Variants in COL5A1 observed in about 807,000 individuals in gnomAD.
The protein encoded by COL5A1 is collagen type V alpha 1 chain, also known as collagen alpha-1(V) chain.
A neutral mutation model predicts 263.7 loss-of-function variants in COL5A1; 16 were observed. The observed-to-expected ratio is 0.06, with a 90% CI of 0.04 to 0.09. COL5A1 has a LOEUF of 0.09. Ranked by LOEUF, COL5A1 falls within the 10% of genes least tolerant of loss-of-function variation. COL5A1 has a pLI of 1.00. For missense variants in COL5A1, 2,036 were observed against 2,540.5 expected (o/e 0.80, Z 4.27); for synonymous variants, 1,012 against 1,004.5 (o/e 1.01, Z -0.14).
At chr9:134,721,601 G>A (rs1371147504) in intron 4 of COL5A1, among the ~76,000 whole-genome samples, 1 of 152,170 alleles carries the variant, frequency 6.6e-6, no homozygotes, top group African/African-American at 2.4e-5. Flanking sequence ...AGTCCTGCGG[G>A]GTGGGTTACA....
chr9:134,719,279 C>T (rs1404531146), intron 4 of COL5A1, among the ~76,000 whole-genome samples: 2 of 152,232 alleles, frequency 1.3e-5, no homozygotes, highest in Admixed American at 1.3e-4. Context: ...CATACACATG[C>T]ATGTATACTG....
At position 134,741,238 on chromosome 9, in the gene COL5A1, T is replaced by G. The variant is rs1209952832; in HGVS notation, c.1494+2430T>G. ...ACAACATTGTCTCTGCCCTCGGAGG[T>G]TGAGCATCTGGGGCCTCCAAAAGAC... On this transcript the variant is annotated intron_variant, in intron 11 of 65. Transcript: ENST00000371817. The surrounding 1 kb of genome is among the most constrained non-coding windows in gnomAD (Gnocchi z 4.5). Among the ~76,000 whole-genome samples, 2 of 152,072 alleles carry G rather than the reference T, an allele frequency of 1.3e-5. No homozygotes were observed. The highest frequency in any genetic ancestry group is 1.5e-5 in the Non-Finnish European group (1 of 68,034).
chr9:134,765,725 C>G lies in COL5A1; in HGVS notation c.2079C>G (p.Pro693=). ...LLGPKGPPGP[P]GPPGVTGMDG... ...GGCCGAAGGGGCCCCCAGGTCCTCC[C>G]GGACCTCCCGTAAGTCCCATTACCG... The change falls in exon 21 of 66, where the codon CCC becomes CCG. Residue 693 remains proline (P), a synonymous_variant. Coordinates refer to ENST00000371817, the MANE Select transcript of COL5A1 (RefSeq NM_000093.5). The surrounding 1 kb of genome is among the most constrained non-coding windows in gnomAD (Gnocchi z 5.1). 1 of 1,612,842 alleles carries G rather than the reference C, an allele frequency of 6.2e-7. No homozygotes were observed. Among genetic ancestry groups the G allele is most frequent in the South Asian group, 1.1e-5 (1 of 90,968 alleles).
At position 134,690,964 on chromosome 9, in the gene COL5A1, A is replaced by G. The variant is rs764431997; in HGVS notation, c.162A>G (p.Gly54=). The G allele has an allele frequency of 6.2e-7, 1 of 1,613,886 alleles. No homozygotes were observed. The highest frequency in any genetic ancestry group is 8.5e-7 in the Non-Finnish European group (1 of 1,180,044). The change falls in exon 2 of 66, where the codon GGA becomes GGG. Residue 54 remains glycine (G), a synonymous_variant. Coordinates refer to ENST00000371817, the MANE Select transcript of COL5A1 (RefSeq NM_000093.5). ...TAGATTTTCACAACTTGCCTGATGGAATAACAAAGACAACAGGCTTTTGCG... is the reference window on the plus strand; with the variant it reads ...TAGATTTTCACAACTTGCCTGATGGGATAACAAAGACAACAGGCTTTTGCG... ...KVLDFHNLPD[G]ITKTTGFCAT... is the part of the protein sequence containing the mutation.
At chr9:134,774,836 G>T in intron 26 of COL5A1, 23 bp from the exon 27 acceptor site, 1 of 1,612,384 alleles carries the variant, frequency 6.2e-7, no homozygotes, top group Non-Finnish European at 8.5e-7. Flanking sequence ...TGGGGCTAAC[G>T]GTCTTTTTCT....
At chr9:134,718,473 G>A (rs1834346779) in intron 4 of COL5A1, among the ~76,000 whole-genome samples, 1 of 152,248 alleles carries the variant, frequency 6.6e-6, no homozygotes, top group African/African-American at 2.4e-5. Context: ...CAGCTGTCTG[G>A]AGCCGCTGGT....
Position 134,652,774 on chromosome 9 carries a change from T to G in COL5A1, c.109+10478T>G. On this transcript the variant is annotated intron_variant, in intron 1 of 65. Transcript: ENST00000371817. The surrounding 1 kb of genome is among the most constrained non-coding windows in gnomAD (Gnocchi z 4.4). ...GCCTCTTCTTAGGCCGGGTCCAGCG[T>G]TTCTCCTCATGGTGTAGACCAGCAG... 2.1e-6 allele frequency: 1 copy of G among 470,264 alleles called. No homozygotes were observed. The highest frequency in any genetic ancestry group is 4.4e-6 in the Non-Finnish European group (1 of 226,578). 29.1% of individuals were successfully genotyped at this position (470,264 alleles called of 1,614,324 possible). A position where few individuals can be genotyped will look rare whatever the true frequency, so the allele number is the denominator to read the frequency against.
chr9:134,675,086 T>C (rs1345872781), intron 1 of COL5A1, among the ~76,000 whole-genome samples: 2 of 152,122 alleles, frequency 1.3e-5, no homozygotes, highest in Non-Finnish European at 2.9e-5. Context: ...TTGTACAGAG[T>C]GTACTGTGAT....
rs777147544 is a variant in COL5A1 at position 134,842,334 on chromosome 9, C to T, written c.*31C>T. The stretch of plus-strand genomic sequence containing the variant: ...GCCGAGCCCGGGCTCCCGAGAGCAA[C>T]CTCGTGACCTCAGCATGCCATTCGT... On this transcript the variant is annotated 3_prime_UTR_variant, in exon 66 of 66. Coordinates refer to ENST00000371817, the MANE Select transcript of COL5A1 (RefSeq NM_000093.5). This position sits in a 1 kb window ranked among gnomAD's most constrained non-coding sequence, Gnocchi z 5.8. 6.2e-7 allele frequency: 1 copy of T among 1,613,096 alleles called. No individual in the cohort carries two copies. The highest frequency in any genetic ancestry group is 1.1e-5 in the South Asian group (1 of 90,986).
chr9:134,730,679 T>C (rs976991703), intron 7 of COL5A1, among the ~76,000 whole-genome samples: 3 of 152,274 alleles, frequency 2.0e-5, no homozygotes, highest in Admixed American at 6.5e-5. Context: ...TGAACAAGTT[T>C]GGAATCCCTG....
rs770351497 is a variant in COL5A1, at chr9:134,731,696, G to GT, written c.1332+35dup. The GT allele has an allele frequency of 1.5e-5, 24 of 1,591,534 alleles. No individual in the cohort carries two copies. In the Middle Eastern group the frequency reaches 5.0e-4, roughly 33 times the overall value. Reference sequence around the variant, plus strand: ...GGTGCAGGCCCCCGTTCCGGGTGGGGTTGGGGGGCTGGTGGGGCATCATGG... The same window carrying GT: ...GGTGCAGGCCCCCGTTCCGGGTGGGGTTTGGGGGGCTGGTGGGGCATCATGG... On this transcript the variant is annotated intron_variant, in intron 8 of 65. Transcript: ENST00000371817.
intron 2 of COL5A1, among the ~76,000 whole-genome samples, chr9:134,695,633 A>G (rs922012421): frequency 1.1e-4 from 17 of 152,126 alleles, no homozygotes; most frequent in Admixed American, 9.8e-4. Context: ...GGGTTCCCTG[A>G]TGGCTGAGAG....
chr9:134,706,981 G>A (rs925056769), intron 4 of COL5A1, among the ~76,000 whole-genome samples: 4 of 152,206 alleles, frequency 2.6e-5, no homozygotes, highest in Non-Finnish European at 4.4e-5. Flanking sequence ...CTGCTGATCC[G>A]GAGGGCTCCA....
intron 4 of COL5A1, chr9:134,708,385 C>T (rs1265522041): frequency 8.2e-6 from 3 of 365,582 alleles, no homozygotes; most frequent in South Asian, 4.2e-5. Context: ...GCTGCCTGGC[C>T]AGTGCGCCTG....
chr9:134,690,349 T>A (rs4842143), intron 1 of COL5A1, among the ~76,000 whole-genome samples: 2 of 151,966 alleles, frequency 1.3e-5, no homozygotes, highest in Non-Finnish European at 1.5e-5. Context: ...CCCCGTGACC[T>A]CTGGAGGGGC....
chr9:134,773,557 C>G (rs545744804), intron 26 of COL5A1, among the ~76,000 whole-genome samples: 2 of 152,226 alleles, frequency 1.3e-5, no homozygotes, highest in Non-Finnish European at 2.9e-5. Context: ...AGAGGCCCAC[C>G]TGCTCCAGGG....
At position 134,752,604 on chromosome 9, in the gene COL5A1, C is replaced by T; in HGVS notation, c.1678C>T (p.Pro560Ser). ...TCCTTTGCAGTTGGCACTGAGGGGA[C>T]CAGCTGGCCCGATGGGTCTCACAGG... ...LQQARLALRG[P>S]AGPMGLTGRP... is the part of the protein sequence containing the mutation. Residue 560 changes from proline to serine, a missense_variant, in exon 14 of 66, where the codon CCA (proline) becomes TCA (serine). Pro to Ser is a moderately conservative substitution (Grantham distance 74). Around this residue, in one of 3 missense-constraint regions of COL5A1, gnomAD observed 1,078 missense variants for 1,521.4 expected, o/e 0.71. Transcript: ENST00000371817. 6.2e-7 allele frequency: 1 copy of T among 1,613,570 alleles called. No individual in the cohort carries two copies. Among genetic ancestry groups the T allele is most frequent in the Non-Finnish European group, 8.5e-7 (1 of 1,179,690 alleles).
chr9:134,702,300 G>A (rs1588451217), intron 4 of COL5A1, among the ~76,000 whole-genome samples: 2 of 152,170 alleles, frequency 1.3e-5, no homozygotes, highest in East Asian at 1.9e-4. Context: ...AATGGCCTCC[G>A]AGGGCCATCC....
chr9:134,744,517 AC>A (rs1035265173), intron 11 of COL5A1, among the ~76,000 whole-genome samples: 8 of 151,296 alleles, frequency 5.3e-5, no homozygotes, highest in South Asian at 4.2e-4. Flanking sequence ...ACTCATGCAC[AC>A]CCCCATACAT....
Sources: allele counts gnomAD v4.1 joint callset (sites outside exome capture counted in the v4.1 genomes callset), GRCh38; gene constraint gnomAD v4.1.1; regional missense constraint gnomAD v4.1.1; non-coding constraint Gnocchi (gnomAD v3.1); transcripts MANE v1.5; gene names NCBI Gene and HGNC (gene_info 2026-07-23, HGNC 2026-07-21).